Variants in EFL1 observed in about 807,000 individuals in gnomAD.
EFL1 encodes the protein elongation factor-like GTPase 1.
A neutral mutation model predicts 126.7 loss-of-function variants in EFL1; 76 were observed. The ratio of observed to expected loss-of-function variants is 0.60; its 90% confidence interval spans 0.50 to 0.73. The LOEUF is 0.73. Ranked by LOEUF, EFL1 falls within the 30% of genes least tolerant of loss-of-function variation. The pLI is 0.00. For missense variants in EFL1, 1,128 were observed against 1,343.2 expected, an observed-to-expected ratio of 0.84 and a Z score of 2.50; for synonymous variants, 410 against 448.4, an observed-to-expected ratio of 0.91 and a Z score of 1.08.
chr15:82,182,549 C>A (rs964242854), intron 15 of EFL1, among the ~76,000 whole-genome samples: 1 of 152,060 alleles, frequency 6.6e-6, no homozygotes, highest in Admixed American at 6.6e-5. Flanking sequence ...ACAGGCTGGG[C>A]GCGGTGGCTC....
chr15:82,175,683 G>A (rs187658076), intron 15 of EFL1, among the ~76,000 whole-genome samples: 5 of 151,958 alleles, frequency 3.3e-5, no homozygotes, highest in African/African-American at 1.2e-4. Context: ...GCAAAACCCC[G>A]TCTCTACTAA....
intron 12 of EFL1, among the ~76,000 whole-genome samples, chr15:82,221,239 C>A (rs1448000914): frequency 6.6e-6 from 1 of 152,140 alleles, no homozygotes. Flanking sequence ...ATGATTCCTG[C>A]TTTATTTGCC....
intron 7 of EFL1, among the ~76,000 whole-genome samples, chr15:82,235,345 G>A (rs1199568153): frequency 6.6e-6 from 1 of 152,120 alleles, no homozygotes; most frequent in Admixed American, 6.5e-5. Context: ...TGGTATCAAA[G>A]TTGATATAAA....
At chr15:82,199,715 A>C (rs1003565364) in intron 15 of EFL1, among the ~76,000 whole-genome samples, 2 of 152,208 alleles carry the variant, frequency 1.3e-5, no homozygotes, top group Admixed American at 1.3e-4. Flanking sequence ...AGTCTGGAAG[A>C]ATACACCGAT....
intron 15 of EFL1, among the ~76,000 whole-genome samples, chr15:82,192,743 T>G (rs2074371580): frequency 6.6e-6 from 1 of 152,068 alleles, no homozygotes; most frequent in Non-Finnish European, 1.5e-5. Flanking sequence ...TTATACACAC[T>G]CATAGCACAG....
intron 15 of EFL1, among the ~76,000 whole-genome samples, chr15:82,171,414 C>T (rs1337599787): frequency 1.3e-5 from 2 of 152,134 alleles, no homozygotes; most frequent in South Asian, 2.1e-4. Context: ...AAGACCAACA[C>T]GTGTGGGAAT....
intron 5 of EFL1, among the ~76,000 whole-genome samples, chr15:82,240,822 G>A (rs1214335272): frequency 1.3e-5 from 2 of 152,194 alleles, no homozygotes; most frequent in Admixed American, 1.3e-4. Flanking sequence ...GGCTGAGGCA[G>A]GTGGACTGCT....
chr15:82,133,358 T>C (rs1402591324), intron 19 of EFL1, among the ~76,000 whole-genome samples: 2 of 152,216 alleles, frequency 1.3e-5, no homozygotes, highest in African/African-American at 4.8e-5. Flanking sequence ...AGATATTATA[T>C]GAAAGTCATA....
chr15:82,202,789 G>A (rs1463096439), intron 15 of EFL1, among the ~76,000 whole-genome samples: 1 of 151,450 alleles, frequency 6.6e-6, no homozygotes, highest in Admixed American at 6.6e-5. Flanking sequence ...GCAAACTCAA[G>A]GAAAGATATT....
At chr15:82,211,662 A>G (rs1041125627) in intron 15 of EFL1, among the ~76,000 whole-genome samples, 9 of 141,950 alleles carry the variant, frequency 6.3e-5, no homozygotes, top group African/African-American at 2.2e-4. Context: ...ACTTACTCCT[A>G]GCTTTGAAAA....
chr15:82,182,767 G>A (rs1671918502), intron 15 of EFL1, among the ~76,000 whole-genome samples: 1 of 151,958 alleles, frequency 6.6e-6, no homozygotes, highest in Non-Finnish European at 1.5e-5. Context: ...AGAGCTTGCA[G>A]TGAACCGAGA....
intron 15 of EFL1, among the ~76,000 whole-genome samples, chr15:82,201,953 C>T (rs1325123776): frequency 6.6e-6 from 1 of 151,090 alleles, no homozygotes; most frequent in African/African-American, 2.4e-5. Flanking sequence ...TGTCTACTTG[C>T]GGAGTCACAC....
intron 3 of EFL1, among the ~76,000 whole-genome samples, chr15:82,254,130 A>T (rs1312017907): frequency 1.3e-5 from 2 of 152,154 alleles, no homozygotes; most frequent in African/African-American, 4.8e-5. Context: ...GCTATCAATG[A>T]CCTCTGGCGA....
intron 2 of EFL1, 22 bp from the exon 3 acceptor site, chr15:82,259,177 T>C (rs1313489314): frequency 6.2e-7 from 1 of 1,601,474 alleles, no homozygotes; most frequent in Admixed American, 1.7e-5. Flanking sequence ...GCAACATCAA[T>C]TCAAATCTAT....
chr15:82,173,456 T>A (rs564348506), intron 15 of EFL1, among the ~76,000 whole-genome samples: 49 of 152,286 alleles, frequency 3.2e-4, no homozygotes, highest in African/African-American at 1.2e-3. Context: ...AAGAAAGTTG[T>A]ACAATTAAAG....
intron 18 of EFL1, among the ~76,000 whole-genome samples, chr15:82,148,377 C>CAAA (rs547889990): frequency 5.3e-5 from 5 of 94,342 alleles, no homozygotes; most frequent in African/African-American, 1.1e-4. Flanking sequence ...GAATCCATCT[C>CAAA]AAAAAAAAAA....
chr15:82,158,327 A>AACT (rs2073988485), intron 16 of EFL1, among the ~76,000 whole-genome samples: 1 of 152,226 alleles, frequency 6.6e-6, no homozygotes, highest in Admixed American at 6.5e-5. Context: ...TGCTTGCTAG[A>AACT]ACTTGGGTTT....
chr15:82,215,417 A>G (rs2074635209), intron 14 of EFL1, among the ~76,000 whole-genome samples: 1 of 152,160 alleles, frequency 6.6e-6, no homozygotes, highest in Non-Finnish European at 1.5e-5. Flanking sequence ...ATGCTGTGAT[A>G]TATTAGGAAC....
intron 16 of EFL1, 105 bp from the exon 17 acceptor site, chr15:82,157,965 T>G: frequency 1.6e-6 from 2 of 1,226,892 alleles, no homozygotes; most frequent in Non-Finnish European, 2.2e-6. Context: ...AATAAACTCT[T>G]AAAACAACAA....
Sources: gnomAD v4.1 joint callset for allele counts (sites outside exome capture counted in the v4.1 genomes callset) on GRCh38, gnomAD v4.1.1 for gene constraint, MANE v1.5 for transcripts, NCBI Gene and HGNC (gene_info 2026-07-23, HGNC 2026-07-21) for gene names.